The following USP3 variants were observed in gnomAD, a reference collection of about 807,000 sequenced individuals.
The protein encoded by USP3 is ubiquitin specific peptidase 3.
Under a neutral mutation model 72.3 loss-of-function variants are expected in USP3, and 20 were observed. The observed-to-expected ratio is 0.28, with a 90% confidence interval of 0.19 to 0.40. The LOEUF is 0.40. USP3 is among the 10% of genes least tolerant of loss of function. The probability of loss-of-function intolerance (pLI) is 1.00; values close to 1 mark genes in which losing one functional copy is unlikely to be tolerated. For synonymous variants in USP3, 222 were observed against 225.3 expected (o/e 0.99, Z 0.13); for missense variants, 479 against 633.9 (o/e 0.76, Z 2.62).
chr15:63,517,005 C>A (rs564487333), intron 1 of USP3, among the ~76,000 whole-genome samples: 1 of 147,970 alleles, frequency 6.8e-6, no homozygotes, highest in Non-Finnish European at 1.5e-5. Flanking sequence ...ATTTCTTTGC[C>A]TTTTGGTTCT....
In USP3 at chr15:63,588,121, T is replaced by C. The variant is rs578154660; in HGVS notation, c.1097-184T>C. On this transcript the variant is annotated intron_variant, in intron 11 of 14. Coordinates refer to ENST00000380324, the MANE Select transcript of USP3 (RefSeq NM_006537.4). This position sits in a 1 kb window ranked among gnomAD's most constrained non-coding sequence, Gnocchi z 4.6. ...CAGGTGCTCTACACATTATTTCTCT[T>C]CCTTATAATAGTTCTTCAAAGTAGG... 130 of 475,334 alleles carry C rather than the reference T, an allele frequency of 2.7e-4. 1 individual carries two copies. The highest frequency in any genetic ancestry group is 3.6e-4 in the Non-Finnish European group (97 of 271,196). The allele number at this position is 475,334 out of a possible 1,614,324, so 29.4% of individuals were successfully genotyped here. A position where few individuals can be genotyped will look rare whatever the true frequency, so the allele number is the denominator to read the frequency against.
intron 3 of USP3, among the ~76,000 whole-genome samples, chr15:63,539,864 G>C (rs1242735141): frequency 6.6e-6 from 1 of 152,212 alleles, no homozygotes; most frequent in Non-Finnish European, 1.5e-5. Flanking sequence ...AAAGAAATCT[G>C]TGATAGTTGT....
At chr15:63,561,019 G>A (rs2066599854) in intron 7 of USP3, among the ~76,000 whole-genome samples, 1 of 152,088 alleles carries the variant, frequency 6.6e-6, no homozygotes, top group Non-Finnish European at 1.5e-5. Flanking sequence ...GAGTCACAGT[G>A]CAGGGAAACT....
At chr15:63,542,207 C>G in intron 3 of USP3, 1 of 984,760 alleles carries the variant, frequency 1.0e-6, no homozygotes, top group South Asian at 4.7e-5. Context: ...AGATTTTTCT[C>G]TGTCTTGGGT....
chr15:63,547,774 GAGAGAGAGAGAGAGAGAGAGAGAGA>G (rs2066360370), intron 3 of USP3, among the ~76,000 whole-genome samples: 1 of 26,856 alleles, frequency 3.7e-5, no homozygotes, highest in African/African-American at 1.9e-4. Flanking sequence ...GAGAGAGAGA[GAGAGAGAGAGAGAGAGAGAGAGAGA>G]GGCATAGAGA....
In USP3 at chr15:63,544,816, A is replaced by G. The variant is rs2066296751; in HGVS notation, c.284+7660A>G. The G allele has an allele frequency of 1.5e-6, 1 of 687,390 alleles. No individual in the cohort carries two copies. Among genetic ancestry groups the G allele is most frequent in the Non-Finnish European group, 2.6e-6 (1 of 378,634 alleles). 42.6% of individuals were successfully genotyped at this position (687,390 alleles called of 1,614,324 possible). A position where few individuals can be genotyped will look rare whatever the true frequency, so the allele number is the denominator to read the frequency against. On this transcript the variant is annotated intron_variant, in intron 3 of 14. Transcript: ENST00000380324. The surrounding 1 kb of genome is among the most constrained non-coding windows in gnomAD (Gnocchi z 4.2). ...AAGTGAAAGGGAAGATTGGGAGGGA[A>G]GGGGTAGGAGATAAGAATATCTAAG...
intron 3 of USP3, among the ~76,000 whole-genome samples, chr15:63,541,284 A>T (rs1447485047): frequency 6.6e-6 from 1 of 152,200 alleles, no homozygotes; most frequent in Non-Finnish European, 1.5e-5. Context: ...AAACACTTGT[A>T]ATAAATGGCA....
At chr15:63,505,289 C>T (rs1254693166) in intron 1 of USP3, among the ~76,000 whole-genome samples, 1 of 152,144 alleles carries the variant, frequency 6.6e-6, no homozygotes, top group African/African-American at 2.4e-5. Context: ...GCTCTCCGGG[C>T]GCAGCTTTGT....
intron 1 of USP3, among the ~76,000 whole-genome samples, chr15:63,523,560 G>A (rs2065944907): frequency 6.6e-6 from 1 of 152,224 alleles, no homozygotes; most frequent in South Asian, 2.1e-4. Flanking sequence ...TCAAGGGCAG[G>A]TGATAAAGGA....
chr15:63,508,384 G>C (rs1042679318), intron 1 of USP3, among the ~76,000 whole-genome samples: 4 of 152,144 alleles, frequency 2.6e-5, no homozygotes, highest in African/African-American at 9.7e-5. Flanking sequence ...GGCTCTAGTA[G>C]TCCTTTGCTG....
intron 1 of USP3, among the ~76,000 whole-genome samples, chr15:63,520,081 G>T (rs1421520736): frequency 6.6e-6 from 1 of 151,994 alleles, no homozygotes; most frequent in Non-Finnish European, 1.5e-5. Flanking sequence ...ATTCTTTTTG[G>T]CTGGGAATAA....
intron 1 of USP3, among the ~76,000 whole-genome samples, chr15:63,522,969 A>C (rs1423482692): frequency 6.6e-6 from 1 of 152,174 alleles, no homozygotes; most frequent in Admixed American, 6.5e-5. Context: ...TTCTGTACTT[A>C]AATGTTTTAC....
chr15:63,510,518 G>A (rs1170960912), intron 1 of USP3, among the ~76,000 whole-genome samples: 2 of 152,192 alleles, frequency 1.3e-5, no homozygotes, highest in Non-Finnish European at 2.9e-5. Flanking sequence ...ATCATTGTTT[G>A]AAGTGGAAAA....
At chr15:63,552,738 C>T (rs1299450233) in intron 3 of USP3, among the ~76,000 whole-genome samples, 1 of 152,028 alleles carries the variant, frequency 6.6e-6, no homozygotes, top group Non-Finnish European at 1.5e-5. Context: ...CTCTCTCTTT[C>T]TTTCTCCCTC....
rs2067191817 is a variant in USP3 at position 63,591,146 on chromosome 15, A to G, written c.*320A>G. On this transcript the variant is annotated 3_prime_UTR_variant, in exon 15 of 15. Coordinates refer to ENST00000380324, the MANE Select transcript of USP3 (RefSeq NM_006537.4). Reference sequence around the variant, plus strand: ...AGTTCTCACTTTGAGGCACATTTACATCAATGCTTTTGTTCCTCTCACATG... The same window carrying G: ...AGTTCTCACTTTGAGGCACATTTACGTCAATGCTTTTGTTCCTCTCACATG... The G allele has an allele frequency of 4.2e-6, 1 of 235,800 alleles. No homozygotes were observed. Among genetic ancestry groups the G allele is most frequent in the Non-Finnish European group, 8.3e-6 (1 of 120,088 alleles). 14.6% of individuals were successfully genotyped at this position (235,800 alleles called of 1,614,324 possible). A position where few individuals can be genotyped will look rare whatever the true frequency, so the allele number is the denominator to read the frequency against.
At chr15:63,582,603 A>T (rs2066983070) in intron 11 of USP3, among the ~76,000 whole-genome samples, 1 of 152,190 alleles carries the variant, frequency 6.6e-6, no homozygotes, top group African/African-American at 2.4e-5. Flanking sequence ...GAAGAAAAGG[A>T]CTAACTTTCC....
At position 63,559,958 on chromosome 15, in the gene USP3, G is replaced by A. The variant is rs2066578257; in HGVS notation, c.635G>A (p.Gly212Glu). The change falls in exon 7 of 15, where the codon GGG becomes GAG. Residue 212 changes from glycine (G) to glutamate (E), a missense_variant. Coordinates refer to ENST00000380324, the MANE Select transcript of USP3 (RefSeq NM_006537.4). ...GRRTYHTRSQ[G>E]DNNVSLVEEF... ...CGGACATACCACACCAGGAGCCAAG[G>A]GGATAACAATGTGTGAGTTATAAGA... 6.2e-7 allele frequency: 1 copy of A among 1,613,478 alleles called. No individual in the cohort carries two copies. Among genetic ancestry groups the A allele is most frequent in the African/African-American group, 1.3e-5 (1 of 74,870 alleles).
intron 3 of USP3, among the ~76,000 whole-genome samples, chr15:63,546,395 T>C (rs2066328008): frequency 6.6e-6 from 1 of 152,200 alleles, no homozygotes; most frequent in South Asian, 2.1e-4. Context: ...CTACACGTTT[T>C]TGAAACACAA....
chr15:63,558,162 C>T lies in USP3; in HGVS notation c.507C>T (p.Phe169=). The T allele has an allele frequency of 1.9e-6, 3 of 1,614,084 alleles. No homozygotes were observed. The highest frequency in any genetic ancestry group is 2.5e-6 in the Non-Finnish European group (3 of 1,180,028). Residue 169 remains phenylalanine (F), a synonymous_variant, in exon 6 of 15, where the codon TTC becomes TTT. Transcript: ENST00000380324. ...TTCGGAATTTGGGGAACACATGTTT[C>T]ATGAATGCCATCCTTCAGTCACTCA... ...TGLRNLGNTC[F]MNAILQSLSN...
Sources: allele counts gnomAD v4.1 joint callset (sites outside exome capture counted in the v4.1 genomes callset), GRCh38; gene constraint gnomAD v4.1.1; non-coding constraint Gnocchi (gnomAD v3.1); transcripts MANE v1.5; gene names NCBI Gene and HGNC (gene_info 2026-07-23, HGNC 2026-07-21).